The following MTCL1 variants were observed in gnomAD, a reference collection of about 807,000 sequenced individuals.
MTCL1 encodes the protein microtubule crosslinking factor 1, also known as microtubule cross-linking factor 1.
Under a neutral mutation model 141.4 loss-of-function variants are expected in MTCL1, and 79 were observed. The observed-to-expected ratio is 0.56, with a 90% CI of 0.47 to 0.67. MTCL1 has a LOEUF of 0.67. Ranked by LOEUF, MTCL1 falls within the 30% of genes least tolerant of loss-of-function variation. MTCL1 has a pLI of 0.00. For synonymous variants in MTCL1, 914 were observed against 875.8 expected (o/e 1.04, Z -0.77); for missense variants, 2,177 against 2,113.9 (o/e 1.03, Z -0.59).
chr18:8,799,079 G>A (rs1369328216), intron 10 of MTCL1, among the ~76,000 whole-genome samples: 1 of 152,206 alleles, frequency 6.6e-6, no homozygotes, highest in African/African-American at 2.4e-5. Context: ...TGCGTTCAGG[G>A]CTGAGGGCGC....
At chr18:8,818,865 A>C (rs2076748062) in intron 12 of MTCL1, 98 bp from the exon 12 acceptor site, 1 of 1,190,372 alleles carries the variant, frequency 8.4e-7, no homozygotes, top group Non-Finnish European at 1.2e-6. Flanking sequence ...TTTCAAACTG[A>C]CCTATGTGTA....
At chr18:8,784,173 A>G (rs750135962) in exon 6 of MTCL1, 14 of 1,613,876 alleles carry the variant, frequency 8.7e-6, no homozygotes, top group South Asian at 5.5e-5. Flanking sequence ...AAGGTGCTCA[A>G]ACTGCAGCAC....
intron 4 of MTCL1, among the ~76,000 whole-genome samples, chr18:8,728,837 C>T (rs1468553408): frequency 1.2e-4 from 17 of 137,888 alleles, no homozygotes; most frequent in Non-Finnish European, 9.1e-5. Flanking sequence ...CGAGTTCAAG[C>T]GATTCTCCTG....
At chr18:8,733,386 CTG>C in intron 4 of MTCL1, among the ~76,000 whole-genome samples, 1 of 152,200 alleles carries the variant, frequency 6.6e-6, no homozygotes, top group Admixed American at 6.5e-5. Context: ...CTGTCTGTAT[CTG>C]TGTCGGCCTC....
At chr18:8,764,761 G>T (rs2096451732) in intron 4 of MTCL1, among the ~76,000 whole-genome samples, 1 of 152,150 alleles carries the variant, frequency 6.6e-6, no homozygotes, top group South Asian at 2.1e-4. Flanking sequence ...ATGGTTGCTG[G>T]ACAACTGAGA....
intron 4 of MTCL1, among the ~76,000 whole-genome samples, chr18:8,755,552 G>C (rs983260465): frequency 6.6e-6 from 1 of 152,128 alleles, no homozygotes; most frequent in Admixed American, 6.5e-5. Context: ...GACCAGGTCT[G>C]TCCCAGAAAA....
At chr18:8,730,875 G>GT (rs2096246669) in intron 4 of MTCL1, among the ~76,000 whole-genome samples, 1 of 152,194 alleles carries the variant, frequency 6.6e-6, no homozygotes, top group African/African-American at 2.4e-5. Context: ...TGTGCAGGGC[G>GT]TTTCAGCATT....
intron 4 of MTCL1, among the ~76,000 whole-genome samples, chr18:8,725,333 T>C (rs909593088): frequency 6.6e-6 from 1 of 152,166 alleles, no homozygotes; most frequent in African/African-American, 2.4e-5. Context: ...GAGACTTCTT[T>C]TGTGCATAGT....
chr18:8,764,760 G>A (rs1333578170), intron 4 of MTCL1, among the ~76,000 whole-genome samples: 1 of 152,168 alleles, frequency 6.6e-6, no homozygotes, highest in Non-Finnish European at 1.5e-5. Flanking sequence ...CATGGTTGCT[G>A]GACAACTGAG....
At chr18:8,829,049 A>G in intron 16 of MTCL1, 1 of 1,607,688 alleles carries the variant, frequency 6.2e-7, no homozygotes, top group South Asian at 1.1e-5. Context: ...TCATCACCTG[A>G]GGGAGTTCTG....
intron 4 of MTCL1, among the ~76,000 whole-genome samples, chr18:8,732,388 A>G (rs1339591716): frequency 1.3e-5 from 2 of 152,134 alleles, no homozygotes; most frequent in African/African-American, 2.4e-5. Flanking sequence ...TTGGGATTAC[A>G]GGGGTGAGCT....
intron 4 of MTCL1, among the ~76,000 whole-genome samples, chr18:8,738,500 A>G (rs1010057416): frequency 4.6e-5 from 7 of 152,178 alleles, no homozygotes; most frequent in African/African-American, 1.4e-4. Context: ...TGGCCAATGG[A>G]CACCAATAAT....
At chr18:8,826,087 T>C in exon 15 of MTCL1, 1 of 1,611,066 alleles carries the variant, frequency 6.2e-7, no homozygotes, top group Non-Finnish European at 8.5e-7. Flanking sequence ...GGCTACACGC[T>C]CACTGAGAAC....
chr18:8,821,547 G>T, intron 14 of MTCL1, 49 bp downstream of exon 13: 1 of 1,130,594 alleles, frequency 8.8e-7, no homozygotes, highest in Non-Finnish European at 1.3e-6. Flanking sequence ...AAAATGTCTT[G>T]GTCTTAAAAT....
chr18:8,741,343 A>G (rs1005371018), intron 4 of MTCL1, among the ~76,000 whole-genome samples: 2 of 152,206 alleles, frequency 1.3e-5, no homozygotes, highest in Admixed American at 1.3e-4. Flanking sequence ...TCATTCATCA[A>G]TGTTCTTTGT....
chr18:8,825,508 C>A (rs1377518588), exon 15 of MTCL1: 1 of 1,611,842 alleles, frequency 6.2e-7, no homozygotes, highest in Non-Finnish European at 8.5e-7. Context: ...CAGACTGAAG[C>A]CCTGCGTGGC....
At chr18:8,813,302 A>G (rs2076547239) in intron 12 of MTCL1, 69 bp downstream of exon 11, 2 of 1,526,654 alleles carry the variant, frequency 1.3e-6, no homozygotes, top group Non-Finnish European at 1.8e-6. Flanking sequence ...CCCAGAAAGC[A>G]AAAGCACTAG....
At chr18:8,745,380 A>G (rs1302014585) in intron 4 of MTCL1, among the ~76,000 whole-genome samples, 2 of 152,112 alleles carry the variant, frequency 1.3e-5, no homozygotes, top group African/African-American at 4.8e-5. Context: ...AAACCAAGAG[A>G]CGGAGTCGCA....
At chr18:8,728,419 G>A (rs2096230005) in intron 4 of MTCL1, among the ~76,000 whole-genome samples, 1 of 152,110 alleles carries the variant, frequency 6.6e-6, no homozygotes, top group Non-Finnish European at 1.5e-5. Context: ...TCATTTTGCT[G>A]TAGAGAGGTC....
Sources: gnomAD v4.1 joint callset for allele counts (sites outside exome capture counted in the v4.1 genomes callset) on GRCh38, gnomAD v4.1.1 for gene constraint, MANE v1.5 for transcripts, NCBI Gene and HGNC (gene_info 2026-07-23, HGNC 2026-07-21) for gene names.